The following DCBLD2 variants were observed in gnomAD, a reference collection of about 807,000 sequenced individuals.
DCBLD2 encodes the protein discoidin, CUB and LCCL domain containing 2.
A neutral mutation model predicts 86.8 loss-of-function variants in DCBLD2; 54 were observed. That is an observed-to-expected ratio of 0.62 (90% CI 0.50 to 0.78). The LOEUF (loss-of-function observed/expected upper bound fraction) is 0.78. DCBLD2 is among the 30% of genes least tolerant of loss of function. The pLI, the probability that DCBLD2 is intolerant of heterozygous loss-of-function variation, is 0.00. For synonymous variants in DCBLD2, 354 were observed against 341.3 expected (o/e 1.04, Z -0.41); for missense variants, 908 against 954.2 (o/e 0.95, Z 0.64).
chr3:98,887,874 A>G (rs1943589536), intron 1 of DCBLD2, among the ~76,000 whole-genome samples: 1 of 151,850 alleles, frequency 6.6e-6, no homozygotes, highest in Non-Finnish European at 1.5e-5. Context: ...ATTAGGGTTC[A>G]CTCCTGGTGT....
At chr3:98,867,958 G>A (rs138731281) in intron 2 of DCBLD2, among the ~76,000 whole-genome samples, 74 of 152,000 alleles carry the variant, frequency 4.9e-4, no homozygotes, top group African/African-American at 6.5e-4. Flanking sequence ...GCCTGCCACC[G>A]CGCCCGGCTA....
chr3:98,888,644 C>G (rs144077586), intron 1 of DCBLD2, among the ~76,000 whole-genome samples: 1 of 152,004 alleles, frequency 6.6e-6, no homozygotes, highest in Admixed American at 6.6e-5. Context: ...AAGATCAGAA[C>G]AGCTTTTGCC....
chr3:98,892,603 C>T (rs946929212), intron 1 of DCBLD2, among the ~76,000 whole-genome samples: 1 of 152,100 alleles, frequency 6.6e-6, no homozygotes, highest in African/African-American at 2.4e-5. Flanking sequence ...AAGAGAAAGC[C>T]AGACTGAAAC....
chr3:98,881,891 A>AT lies in DCBLD2; in HGVS notation c.206-125dup. 5.5e-5 allele frequency: 53 copies of AT among 972,092 alleles called. No homozygotes were observed. In the African/African-American group the frequency reaches 6.0e-4, roughly 11 times the overall value. The allele number at this position is 972,092 out of a possible 1,614,324, so 60.2% of individuals were successfully genotyped here. Reference sequence around the variant, plus strand: ...ATATTTTATACCACCCATACTTTCTATTTTATTTTTTTTAATGGACAAATA... The same window carrying AT: ...ATATTTTATACCACCCATACTTTCTATTTTTATTTTTTTTAATGGACAAATA... On this transcript the variant is annotated intron_variant, in intron 1 of 15. Transcript: ENST00000326840.
intron 1 of DCBLD2, among the ~76,000 whole-genome samples, chr3:98,886,774 A>G (rs1189869309): frequency 6.6e-6 from 1 of 150,892 alleles, no homozygotes; most frequent in Non-Finnish European, 1.5e-5. Flanking sequence ...TAAGCCAGAT[A>G]CAAATTTTGA....
At position 98,797,967 on chromosome 3, in the gene DCBLD2, G is replaced by A. The variant is rs923022316; in HGVS notation, c.*1405C>T. 5 of 152,290 alleles carry A rather than the reference G, an allele frequency of 3.3e-5. No individual in the cohort carries two copies. The highest frequency in any genetic ancestry group is 5.9e-5 in the Non-Finnish European group (4 of 68,020). 9.4% of individuals were successfully genotyped at this position (152,290 alleles called of 1,614,324 possible). ...TATCATATGGTGAGCTGCTCATGTC[G>A]TCTTGACAGTCTGAAGGCTTTAAAA... is the stretch of plus-strand genomic sequence containing the variant. On this transcript the variant is annotated 3_prime_UTR_variant, in exon 16 of 16. Coordinates refer to ENST00000326840, the MANE Select transcript of DCBLD2 (RefSeq NM_080927.4).
At chr3:98,828,802 A>C (rs1438123294) in intron 3 of DCBLD2, among the ~76,000 whole-genome samples, 2 of 152,336 alleles carry the variant, frequency 1.3e-5, no homozygotes, top group African/African-American at 4.8e-5. Context: ...TGGGGTGTAT[A>C]TACATACAAT....
chr3:98,836,736 A>G (rs1576171535), intron 3 of DCBLD2, among the ~76,000 whole-genome samples: 1 of 16,642 alleles, frequency 6.0e-5, no homozygotes, highest in African/African-American at 9.5e-5. Flanking sequence ...TGACCCCCCC[A>G]TCTCCCTCCC....
chr3:98,844,505 G>T (rs926965055), intron 3 of DCBLD2, among the ~76,000 whole-genome samples: 2 of 152,012 alleles, frequency 1.3e-5, no homozygotes, highest in African/African-American at 4.8e-5. Flanking sequence ...GGGATTACAG[G>T]CACCCACCAC....
At chr3:98,840,981 A>T (rs1942609981) in intron 3 of DCBLD2, among the ~76,000 whole-genome samples, 1 of 152,244 alleles carries the variant, frequency 6.6e-6, no homozygotes, top group Non-Finnish European at 1.5e-5. Context: ...CTGCTGAAGC[A>T]AACTGGCATT....
At chr3:98,801,194 G>C (rs1040856467) in intron 14 of DCBLD2, 1 of 237,856 alleles carries the variant, frequency 4.2e-6, no homozygotes, top group African/African-American at 2.2e-5. Flanking sequence ...GAGACCTCCC[G>C]ATTCCTAAAC....
At chr3:98,869,198 T>A (rs533164698) in intron 2 of DCBLD2, among the ~76,000 whole-genome samples, 4 of 152,370 alleles carry the variant, frequency 2.6e-5, no homozygotes, top group South Asian at 2.1e-4. Flanking sequence ...ATTTCTGTGA[T>A]GACTAGTGAT....
At chr3:98,895,651 C>A (rs1277397682) in intron 1 of DCBLD2, among the ~76,000 whole-genome samples, 1 of 152,058 alleles carries the variant, frequency 6.6e-6, no homozygotes, top group Non-Finnish European at 1.5e-5. Context: ...CCTTATACAA[C>A]CTTCTTATAA....
chr3:98,811,662 A>C, intron 10 of DCBLD2, 108 bp from the exon 11 acceptor site: 1 of 1,058,780 alleles, frequency 9.4e-7, no homozygotes, highest in South Asian at 1.9e-5. Flanking sequence ...AATTCTGCAG[A>C]ATAATTTTAA....
chr3:98,875,935 A>G (rs977372911), intron 2 of DCBLD2, among the ~76,000 whole-genome samples: 1 of 152,164 alleles, frequency 6.6e-6, no homozygotes, highest in African/African-American at 2.4e-5. Context: ...AAAAAATGAA[A>G]TCATATAATC....
In DCBLD2 at chr3:98,901,358, G is replaced by A. The variant is rs1943848709; in HGVS notation, c.-32C>T. The A allele has an allele frequency of 7.6e-7, 1 of 1,307,674 alleles. No homozygotes were observed. The highest frequency in any genetic ancestry group is 9.7e-7 in the Non-Finnish European group (1 of 1,036,092). The allele number at this position is 1,307,674 out of a possible 1,614,324, so 81.0% of individuals were successfully genotyped here. On this transcript the variant is annotated 5_prime_UTR_variant, in exon 1 of 16. Transcript: ENST00000326840. Reference sequence around the variant, plus strand: ...GGCCGGCAGTCTGCCTGCATAGTGCGGGTGCCTCGGCAGCCCCGCGCGCCT... The same window carrying A: ...GGCCGGCAGTCTGCCTGCATAGTGCAGGTGCCTCGGCAGCCCCGCGCGCCT...
At chr3:98,839,204 C>T (rs1983009) in intron 3 of DCBLD2, among the ~76,000 whole-genome samples, 7,664 of 131,122 alleles carry the variant, frequency 0.058, 279 homozygotes, top group Non-Finnish European at 0.072. Flanking sequence ...TCCTTCCTTC[C>T]TTCTTTCTTT....
At chr3:98,808,690 T>C (rs1941883156) in intron 12 of DCBLD2, among the ~76,000 whole-genome samples, 1 of 152,112 alleles carries the variant, frequency 6.6e-6, no homozygotes, top group Admixed American at 6.6e-5. Flanking sequence ...CTAATCAAAG[T>C]GGCAAATATT....
At chr3:98,893,832 A>G (rs1484144111) in intron 1 of DCBLD2, among the ~76,000 whole-genome samples, 1 of 152,192 alleles carries the variant, frequency 6.6e-6, no homozygotes, top group Non-Finnish European at 1.5e-5. Flanking sequence ...GGAGGAAGTC[A>G]TACTGTGCAA....
Sources: allele counts gnomAD v4.1 joint callset (sites outside exome capture counted in the v4.1 genomes callset), GRCh38; gene constraint gnomAD v4.1.1; transcripts MANE v1.5; gene names NCBI Gene and HGNC (gene_info 2026-07-23, HGNC 2026-07-21).